Variants in PHF20L1 observed in about 807,000 individuals in gnomAD.
PHF20L1 encodes PHD finger protein 20 like 1.
A neutral mutation model predicts 125.5 loss-of-function variants in PHF20L1; 44 were observed. That is an observed-to-expected ratio of 0.35 (90% CI 0.28 to 0.45). The LOEUF is 0.45. Among genes scored for constraint, PHF20L1 ranks in the 20% least tolerant of loss-of-function variants. The pLI, the probability that PHF20L1 is intolerant of heterozygous loss-of-function variation, is 1.00. For missense variants in PHF20L1, 1,012 were observed against 1,217.2 expected (o/e 0.83, Z 2.51); for synonymous variants, 380 against 403.1 (o/e 0.94, Z 0.69).
chr8:132,840,194 A>G (rs1409154066), intron 18 of PHF20L1, among the ~76,000 whole-genome samples: 2 of 152,160 alleles, frequency 1.3e-5, no homozygotes, highest in Non-Finnish European at 2.9e-5. Context: ...TAAAAACAGG[A>G]TGATTCACTG....
In PHF20L1 at chr8:132,836,644, C is replaced by G; in HGVS notation, c.2014C>G (p.Gln672Glu). 1 of 1,612,962 alleles carries G rather than the reference C, an allele frequency of 6.2e-7. No individual in the cohort carries two copies. The highest frequency in any genetic ancestry group is 8.5e-7 in the Non-Finnish European group (1 of 1,179,184). The change falls in exon 16 of 21, where the codon CAG (glutamine) becomes GAG (glutamate). Residue 672 changes from glutamine to glutamate, a missense_variant. Transcript: ENST00000395386. ...TGATTCAACCAATTTTGAGGAATCT[C>G]AGGATGAGGATGATGCTCTTAATGA... The part of the protein sequence containing the change: ...DFDSTNFEES[Q>E]DEDDALNEIV...
At chr8:132,805,449 G>T (rs1426273716) in intron 8 of PHF20L1, among the ~76,000 whole-genome samples, 1 of 151,882 alleles carries the variant, frequency 6.6e-6, no homozygotes, top group Non-Finnish European at 1.5e-5. Flanking sequence ...AGTCTATTCA[G>T]CCTAGTGATT....
intron 12 of PHF20L1, 178 bp downstream of exon 12, chr8:132,817,723 C>T (rs536950457): frequency 1.7e-6 from 1 of 572,766 alleles, no homozygotes; most frequent in South Asian, 2.2e-5. Context: ...TTTGTGTGAT[C>T]ATTTTACAAT....
In PHF20L1 at chr8:132,777,439, G is replaced by A. The variant is rs867689967; in HGVS notation, c.-37-353G>A. The stretch of plus-strand genomic sequence containing the variant: ...ACTCAGCTGTCTTAATTTTTCAAAG[G>A]CAGGAAAGCATTTTCAGCTCTCCCC... On this transcript the variant is annotated intron_variant, in intron 1 of 20. Transcript: ENST00000395386. 8.5e-5 allele frequency among the ~76,000 whole-genome samples: 13 copies of A among 152,258 alleles called. No homozygotes were observed. The South Asian group carries it at 2.7e-3, about 32-fold the overall frequency.
rs1833750945 is a variant in PHF20L1 at position 132,806,722 on chromosome 8, T to C, written c.847+1982T>C. On this transcript the variant is annotated intron_variant, in intron 8 of 20. Coordinates refer to ENST00000395386, the MANE Select transcript of PHF20L1 (RefSeq NM_016018.5). ...GTTTATACAGATAAATGAGAACTAA[T>C]ATAAAATAGTAATTTTGTTATGGCA... 2.0e-5 allele frequency: 3 copies of C among 152,184 alleles called. No individual in the cohort carries two copies. In the South Asian group the frequency reaches 6.2e-4, roughly 32 times the overall value. The allele number at this position is 152,184 out of a possible 1,614,324, so 9.4% of individuals were successfully genotyped here.
At position 132,798,840 on chromosome 8, in the gene PHF20L1, C is replaced by T; in HGVS notation, c.409C>T (p.Pro137Ser). The T allele has an allele frequency of 1.2e-6, 2 of 1,607,564 alleles. No homozygotes were observed. Among genetic ancestry groups the T allele is most frequent in the South Asian group, 1.1e-5 (1 of 90,502 alleles). Residue 137 changes from proline (P) to serine (S), a missense_variant, in exon 5 of 21, where the codon CCC (proline) becomes TCC (serine). Pro to Ser is a moderately conservative substitution (Grantham distance 74). Coordinates refer to ENST00000395386, the MANE Select transcript of PHF20L1 (RefSeq NM_016018.5). ...AAAAAGAATGCACATTAAAGCCATG[C>T]CCGAGGATGCTAAGGGGCAGGTAAG... ...CLKRMHIKAM[P>S]EDAKGQVKSQ...
chr8:132,820,671 G>A (rs1835479584), intron 12 of PHF20L1, among the ~76,000 whole-genome samples: 1 of 151,870 alleles, frequency 6.6e-6, no homozygotes, highest in African/African-American at 2.4e-5. Context: ...GATTATAGTA[G>A]ATGATGTCTG....
At chr8:132,775,730 C>T (rs1476271679) in intron 1 of PHF20L1, 85 bp downstream of exon 1, 1 of 294,286 alleles carries the variant, frequency 3.4e-6, no homozygotes, top group African/African-American at 2.2e-5. Context: ...GTCTCTCTTT[C>T]CGGCCCGCTC....
intron 6 of PHF20L1, 107 bp from the exon 7 acceptor site, chr8:132,803,712 A>G (rs1326560421): frequency 3.1e-6 from 2 of 638,250 alleles, no homozygotes; most frequent in Non-Finnish European, 5.6e-6. Context: ...ATGTTTATGT[A>G]GTTACCTGTG....
intron 14 of PHF20L1, among the ~76,000 whole-genome samples, chr8:132,829,558 G>A (rs749101191): frequency 1.9e-4 from 29 of 152,028 alleles, no homozygotes; most frequent in Non-Finnish European, 3.5e-4. Context: ...TCAGAATAGC[G>A]TAGTGCTGCC....
chr8:132,827,999 G>A (rs1041896713), intron 14 of PHF20L1, among the ~76,000 whole-genome samples: 1 of 151,912 alleles, frequency 6.6e-6, no homozygotes, highest in African/African-American at 2.4e-5. Context: ...CTTAGAAATG[G>A]CACTTTTCCC....
At chr8:132,805,312 T>C (rs1175916827) in intron 8 of PHF20L1, among the ~76,000 whole-genome samples, 1 of 151,914 alleles carries the variant, frequency 6.6e-6, no homozygotes, top group African/African-American at 2.4e-5. Flanking sequence ...TCTTATAGTT[T>C]AGTTTAGGAA....
At chr8:132,783,580 T>G (rs1377781050) in intron 2 of PHF20L1, among the ~76,000 whole-genome samples, 2 of 152,166 alleles carry the variant, frequency 1.3e-5, no homozygotes, top group African/African-American at 4.8e-5. Context: ...TCCTAAAGTG[T>G]AACATGTAGA....
rs772311446 is a variant in PHF20L1, at chr8:132,817,384, T to G, written c.1418T>G (p.Leu473Arg). ...HLPLEKLGPC[L>R]PLDLSRGSEV... ...CCACTTGAGAAGCTGGGACCCTGTC[T>G]CCCTCTTGACTTAAGTCGTGGTTCA... Residue 473 changes from leucine to arginine, a missense_variant, in exon 12 of 21, where the codon CTC becomes CGC. Leu to Arg is a moderately radical substitution (Grantham distance 102). Coordinates refer to ENST00000395386, the MANE Select transcript of PHF20L1 (RefSeq NM_016018.5). 1 of 1,612,764 alleles carries G rather than the reference T, an allele frequency of 6.2e-7. No individual in the cohort carries two copies. The highest frequency in any genetic ancestry group is 2.2e-5 in the East Asian group (1 of 44,834).
intron 17 of PHF20L1, chr8:132,838,659 C>T (rs1184536754): frequency 1.3e-5 from 2 of 152,126 alleles, no homozygotes; most frequent in African/African-American, 2.4e-5. Flanking sequence ...ACAAAAAAGT[C>T]ACAGTAAGAA....
At chr8:132,825,165 G>T in intron 13 of PHF20L1, 99 bp from the exon 14 acceptor site, 11 of 1,559,422 alleles carry the variant, frequency 7.1e-6, no homozygotes, top group Non-Finnish European at 9.6e-6. Flanking sequence ...CAGGTGACTG[G>T]AATAGCTGAT....
intron 12 of PHF20L1, among the ~76,000 whole-genome samples, chr8:132,821,961 C>T (rs1048283160): frequency 1.3e-5 from 2 of 151,878 alleles, no homozygotes; most frequent in Non-Finnish European, 2.9e-5. Context: ...TCGTGAACTT[C>T]TTGTAAAACT....
At chr8:132,830,344 G>A (rs1377595062) in intron 14 of PHF20L1, among the ~76,000 whole-genome samples, 1 of 152,020 alleles carries the variant, frequency 6.6e-6, no homozygotes, top group African/African-American at 2.4e-5. Context: ...CTGTTGTGAG[G>A]TCAGCCGATT....
In PHF20L1 at chr8:132,817,536, G is replaced by C. The variant is rs766000508; in HGVS notation, c.1570G>C (p.Ala524Pro). 5 of 1,608,028 alleles carry C rather than the reference G, an allele frequency of 3.1e-6. No homozygotes were observed. Among genetic ancestry groups the C allele is most frequent in the African/African-American group, 2.7e-5 (2 of 74,604 alleles). ...AATAGCTGATGGAAGAGGAGCTCCA[G>C]CAGCAGCAGGTAAAAGAAAAAAAAT... Reference protein sequence around the residue: ...KAIADGRGAPAAAGISKTEKK... With the variant: ...KAIADGRGAPPAAGISKTEKK... Residue 524 changes from alanine to proline, a missense_variant, in exon 12 of 21, where the codon GCA becomes CCA. Around this residue, in one of 7 missense-constraint regions of PHF20L1, gnomAD observed 320 missense variants for 293.8 expected, o/e 1.09. Coordinates refer to ENST00000395386, the MANE Select transcript of PHF20L1 (RefSeq NM_016018.5).
Sources: gnomAD v4.1 joint callset for allele counts (sites outside exome capture counted in the v4.1 genomes callset) on GRCh38, gnomAD v4.1.1 for gene constraint, gnomAD v4.1.1 regional missense constraint, MANE v1.5 for transcripts, NCBI Gene and HGNC (gene_info 2026-07-23, HGNC 2026-07-21) for gene names.